Variants in RAB8B observed in about 807,000 individuals in gnomAD.
RAB8B encodes the protein ras-related protein Rab-8B.
In RAB8B, 11 loss-of-function variants were observed where a neutral mutation model predicts 32.0. The observed-to-expected ratio is 0.34, with a 90% CI of 0.22 to 0.57. RAB8B has a LOEUF of 0.57. Ranked by LOEUF, RAB8B falls within the 20% of genes least tolerant of loss-of-function variation. The probability of loss-of-function intolerance (pLI) is 0.86; values close to 1 mark genes in which losing one functional copy is unlikely to be tolerated. For synonymous variants in RAB8B, 103 were observed against 89.6 expected (o/e 1.15, Z -0.85); for missense variants, 190 against 258.5 (o/e 0.73, Z 1.82).
At chr15:63,257,978 A>G (rs2038172009) in intron 5 of RAB8B, among the ~76,000 whole-genome samples, 1 of 150,552 alleles carries the variant, frequency 6.6e-6, no homozygotes, top group Non-Finnish European at 1.5e-5. Context: ...CAGGAGAATC[A>G]CTTGAACCCA....
chr15:63,218,770 C>T (rs552305055), intron 1 of RAB8B, among the ~76,000 whole-genome samples: 1 of 152,180 alleles, frequency 6.6e-6, no homozygotes, highest in Admixed American at 6.5e-5. Flanking sequence ...AAATATTGGG[C>T]ATGTTGCTCA....
chr15:63,195,610 G>T (rs2037593575), intron 1 of RAB8B, among the ~76,000 whole-genome samples: 1 of 152,226 alleles, frequency 6.6e-6, no homozygotes, highest in Non-Finnish European at 1.5e-5. Flanking sequence ...TCCAATAACT[G>T]AATCTGAAAA....
intron 1 of RAB8B, among the ~76,000 whole-genome samples, chr15:63,197,374 T>C (rs1360098844): frequency 5.1e-5 from 7 of 136,870 alleles, no homozygotes; most frequent in East Asian, 2.2e-4. Flanking sequence ...TCTTTTCTTT[T>C]TTTTTTTTTT....
chr15:63,236,996 G>A (rs370219279), intron 1 of RAB8B, among the ~76,000 whole-genome samples: 2 of 152,010 alleles, frequency 1.3e-5, no homozygotes, highest in African/African-American at 2.4e-5. Context: ...TAGAACATGC[G>A]AAGTTTGTCT....
rs1168077409 is a variant in RAB8B, at chr15:63,259,121, A to G, written c.415-506A>G. Among the ~76,000 whole-genome samples the G allele has an allele frequency of 6.6e-6, 1 of 151,784 alleles. No homozygotes were observed. The highest frequency in any genetic ancestry group is 2.4e-5 in the African/African-American group (1 of 41,360). On this transcript the variant is annotated intron_variant, in intron 5 of 7. Coordinates refer to ENST00000321437, the MANE Select transcript of RAB8B (RefSeq NM_016530.3). This position sits in a 1 kb window ranked among gnomAD's most constrained non-coding sequence, Gnocchi z 4.4. ...GTACTTAAATTATTATTATTATTTT[A>G]TTTATTTATTTATTTTGAGACAGAG...
intron 3 of RAB8B, among the ~76,000 whole-genome samples, chr15:63,252,569 G>A (rs1050920955): frequency 1.4e-5 from 2 of 147,202 alleles, no homozygotes; most frequent in Non-Finnish European, 3.0e-5. Flanking sequence ...TGTTCATACA[G>A]TCCAAAGGAT....
At chr15:63,250,696 C>T (rs2152580632) in intron 3 of RAB8B, among the ~76,000 whole-genome samples, 1 of 151,570 alleles carries the variant, frequency 6.6e-6, no homozygotes, top group Admixed American at 6.6e-5. Flanking sequence ...GCTTAGAATG[C>T]CAGGCCCAGA....
At position 63,248,976 on chromosome 15, in the gene RAB8B, T is replaced by G. The variant is rs142542073; in HGVS notation, c.186-669T>G. On this transcript the variant is annotated intron_variant, in intron 2 of 7. Coordinates refer to ENST00000321437, the MANE Select transcript of RAB8B (RefSeq NM_016530.3). The surrounding 1 kb of genome is among the most constrained non-coding windows in gnomAD (Gnocchi z 4.4). ...TAAATGAAATCAGAAACTCTTATAT[T>G]TTTCAGAATGCATTTTAATGGTATG... 4.1e-4 allele frequency among the ~76,000 whole-genome samples: 63 copies of G among 152,316 alleles called. No individual in the cohort carries two copies. The highest frequency in any genetic ancestry group is 7.5e-4 in the Non-Finnish European group (51 of 68,020).
At chr15:63,240,034 A>G (rs889393458) in intron 1 of RAB8B, among the ~76,000 whole-genome samples, 4 of 152,228 alleles carry the variant, frequency 2.6e-5, no homozygotes, top group African/African-American at 9.6e-5. Flanking sequence ...AGTGCAGGAA[A>G]GGAGGTATGG....
At chr15:63,202,954 G>A (rs2141110849) in intron 1 of RAB8B, among the ~76,000 whole-genome samples, 1 of 152,300 alleles carries the variant, frequency 6.6e-6, no homozygotes, top group South Asian at 2.1e-4. Context: ...TCATAGGGAA[G>A]TCTCTGAGCC....
chr15:63,245,699 C>A (rs1293851251), intron 2 of RAB8B, among the ~76,000 whole-genome samples: 1 of 152,190 alleles, frequency 6.6e-6, no homozygotes, highest in Admixed American at 6.5e-5. Context: ...ATCCCTTATC[C>A]AAAATGCTTG....
At chr15:63,226,316 T>A (rs546043865) in intron 1 of RAB8B, among the ~76,000 whole-genome samples, 21 of 152,372 alleles carry the variant, frequency 1.4e-4, no homozygotes, top group Non-Finnish European at 2.9e-4. Context: ...GTCAGTTTTC[T>A]GTTCTACAAT....
chr15:63,230,888 G>A (rs1293849305), intron 1 of RAB8B, among the ~76,000 whole-genome samples: 1 of 152,070 alleles, frequency 6.6e-6, no homozygotes, highest in African/African-American at 2.4e-5. Context: ...AATTTAATTT[G>A]TAGAGATGGG....
chr15:63,260,656 T>A (rs2061048071), intron 6 of RAB8B, among the ~76,000 whole-genome samples: 1 of 151,998 alleles, frequency 6.6e-6, no homozygotes, highest in Non-Finnish European at 1.5e-5. Flanking sequence ...GCATGTTCTA[T>A]ACATGTATCC....
chr15:63,255,703 C>A (rs1456708826), intron 4 of RAB8B, 119 bp downstream of exon 4: 4 of 755,276 alleles, frequency 5.3e-6, no homozygotes, highest in Admixed American at 2.2e-5. Flanking sequence ...AGGTTGGGCC[C>A]TCTCTCTCTG....
chr15:63,255,644 G>A, intron 4 of RAB8B, 60 bp downstream of exon 4: 1 of 1,402,100 alleles, frequency 7.1e-7, no homozygotes, highest in African/African-American at 1.4e-5. Flanking sequence ...CTTGTAAAAG[G>A]CTCCTCTGTC....
At chr15:63,251,298 G>A (rs1374164965) in intron 3 of RAB8B, 1 of 455,884 alleles carries the variant, frequency 2.2e-6, no homozygotes, top group Admixed American at 2.3e-5. Flanking sequence ...GAATTTTAGG[G>A]ATAAAAAGAA....
chr15:63,263,066 C>T (rs561618658), intron 7 of RAB8B, among the ~76,000 whole-genome samples: 24 of 152,228 alleles, frequency 1.6e-4, no homozygotes, highest in East Asian at 3.9e-4. Context: ...TGCATAACTA[C>T]GATTTTGAAG....
At chr15:63,224,697 T>C (rs960262325) in intron 1 of RAB8B, among the ~76,000 whole-genome samples, 12 of 152,204 alleles carry the variant, frequency 7.9e-5, no homozygotes, top group Non-Finnish European at 1.8e-4. Context: ...ATTCCTAATA[T>C]TCAGGTCCAC....
Sources: gnomAD v4.1 joint callset for allele counts (sites outside exome capture counted in the v4.1 genomes callset) on GRCh38, gnomAD v4.1.1 for gene constraint, Gnocchi (gnomAD v3.1) non-coding constraint, MANE v1.5 for transcripts, NCBI Gene and HGNC (gene_info 2026-07-23, HGNC 2026-07-21) for gene names.